Variants in CHRNA7 observed in about 807,000 individuals in gnomAD.
The protein encoded by CHRNA7 is neuronal acetylcholine receptor subunit alpha-7.
Under a neutral mutation model 48.0 loss-of-function variants are expected in CHRNA7, and 17 were observed. The observed-to-expected ratio is 0.35, with a 90% CI of 0.24 to 0.53. The LOEUF is 0.53. Ranked by LOEUF, CHRNA7 falls within the 20% of genes least tolerant of loss-of-function variation. CHRNA7 has a pLI of 0.92. For missense variants in CHRNA7, 155 were observed against 577.7 expected (o/e 0.27, Z 7.50); for synonymous variants, 75 against 242.3 (o/e 0.31, Z 6.41).
At chr15:32,139,957 A>T (rs2051347161) in intron 4 of CHRNA7, among the ~76,000 whole-genome samples, 1 of 152,140 alleles carries the variant, frequency 6.6e-6, no homozygotes, top group South Asian at 2.1e-4. Context: ...GTTATAGGGT[A>T]CCTGTGCACA....
chr15:32,112,241 T>TA (rs1394281977), intron 4 of CHRNA7: 1 of 475,540 alleles, frequency 2.1e-6, no homozygotes, highest in African/African-American at 2.0e-5. Flanking sequence ...TGGCAGCAGT[T>TA]ATGACCAACA....
chr15:32,152,146 T>A (rs1181159011), intron 4 of CHRNA7, among the ~76,000 whole-genome samples: 1 of 152,198 alleles, frequency 6.6e-6, no homozygotes, highest in East Asian at 1.9e-4. Context: ...CTCACTGTTC[T>A]TAGAAGCAGA....
chr15:32,065,603 A>AG (rs1197338531), intron 2 of CHRNA7, among the ~76,000 whole-genome samples: 1 of 152,272 alleles, frequency 6.6e-6, no homozygotes, highest in Non-Finnish European at 1.5e-5. Flanking sequence ...AACACATGTA[A>AG]GGCTGTGCAC....
chr15:32,056,721 C>A (rs2141197904), intron 2 of CHRNA7, among the ~76,000 whole-genome samples: 1 of 152,296 alleles, frequency 6.6e-6, no homozygotes, highest in Middle Eastern at 3.4e-3. Context: ...TGTTTCAGGT[C>A]ATCACTAATA....
At chr15:32,045,653 C>T (rs984638444) in intron 2 of CHRNA7, among the ~76,000 whole-genome samples, 15 of 151,856 alleles carry the variant, frequency 9.9e-5, no homozygotes, top group South Asian at 2.1e-4. Context: ...TCTCCTGCTT[C>T]AGCCTTCCAA....
chr15:32,074,250 T>C (rs975238049), intron 2 of CHRNA7, among the ~76,000 whole-genome samples: 3 of 150,694 alleles, frequency 2.0e-5, no homozygotes, highest in African/African-American at 4.9e-5. Context: ...CAGACAATTA[T>C]GTCTTCTGCA....
chr15:32,044,915 C>T (rs899297196), intron 2 of CHRNA7, among the ~76,000 whole-genome samples: 11 of 152,196 alleles, frequency 7.2e-5, no homozygotes, highest in African/African-American at 1.9e-4. Context: ...CTATTCTTTG[C>T]GGCAATTCCC....
At chr15:32,047,687 G>A (rs1050195198) in intron 2 of CHRNA7, among the ~76,000 whole-genome samples, 37 of 152,002 alleles carry the variant, frequency 2.4e-4, no homozygotes, top group African/African-American at 6.0e-4. Flanking sequence ...TGATTGCTCC[G>A]GCCAGAACTT....
At chr15:32,078,590 T>C (rs1014141769) in intron 2 of CHRNA7, among the ~76,000 whole-genome samples, 13 of 147,998 alleles carry the variant, frequency 8.8e-5, no homozygotes, top group Non-Finnish European at 1.2e-4. Flanking sequence ...AGACTGAACC[T>C]GGATACAGTC....
intron 2 of CHRNA7, among the ~76,000 whole-genome samples, chr15:32,058,958 G>A (rs1013619672): frequency 6.6e-6 from 1 of 152,082 alleles, no homozygotes; most frequent in African/African-American, 2.4e-5. Flanking sequence ...GACTGTACCT[G>A]TCTAGGCAGA....
intron 2 of CHRNA7, among the ~76,000 whole-genome samples, chr15:32,047,319 C>T (rs1309929261): frequency 2.0e-5 from 3 of 149,852 alleles, no homozygotes; most frequent in Non-Finnish European, 4.4e-5. Flanking sequence ...AATGTTCTTC[C>T]ATTTGTTTGT....
chr15:32,099,585 A>G (rs991299572), intron 2 of CHRNA7: 4 of 152,254 alleles, frequency 2.6e-5, no homozygotes, highest in African/African-American at 9.6e-5. Context: ...TTCTCTCAGC[A>G]GATGAAGACA....
At chr15:32,119,799 A>AGAGGAAGG (rs1321005824) in intron 4 of CHRNA7, among the ~76,000 whole-genome samples, 1 of 152,112 alleles carries the variant, frequency 6.6e-6, no homozygotes, top group Non-Finnish European at 1.5e-5. Context: ...CATCTCAGCA[A>AGAGGAAGG]GAGGAAGGGA....
rs112847480 is a variant in CHRNA7, at chr15:32,061,432, G to A, written c.195+30395G>A. Among the ~76,000 whole-genome samples the A allele has an allele frequency of 4.4e-3, 672 of 152,214 alleles. 3 individuals are homozygous for A. The highest frequency in any genetic ancestry group is 0.015 in the African/African-American group (631 of 41,516). On this transcript the variant is annotated intron_variant, in intron 2 of 9. Coordinates refer to ENST00000306901, the MANE Select transcript of CHRNA7 (RefSeq NM_000746.6). The stretch of plus-strand genomic sequence containing the variant: ...TAACCTTTTGCACTCCCACAATACC[G>A]AAATACTTTACTTATTTATATGTGG...
At chr15:32,120,826 G>A (rs987848217) in intron 4 of CHRNA7, among the ~76,000 whole-genome samples, 5 of 152,114 alleles carry the variant, frequency 3.3e-5, no homozygotes, top group Admixed American at 6.5e-5. Context: ...TCTTTGTGAT[G>A]TGGAACACAG....
chr15:32,044,288 T>TTCCTTCC (rs1566798035), intron 2 of CHRNA7, among the ~76,000 whole-genome samples: 3 of 19,514 alleles, frequency 1.5e-4, no homozygotes, highest in Non-Finnish European at 4.4e-4. Flanking sequence ...TCCTTCCTTC[T>TTCCTTCC]TTTTTTGGGG....
At chr15:32,082,339 AT>A (rs58571847) in intron 2 of CHRNA7, among the ~76,000 whole-genome samples, 11 of 150,618 alleles carry the variant, frequency 7.3e-5, no homozygotes, top group Admixed American at 6.7e-4. Flanking sequence ...TGATTATTAG[AT>A]TTTTTTTGTA....
intron 2 of CHRNA7, among the ~76,000 whole-genome samples, chr15:32,077,603 CA>C (rs1352045959): frequency 6.6e-6 from 1 of 152,074 alleles, no homozygotes; most frequent in African/African-American, 2.4e-5. Flanking sequence ...GGTGAAGTAT[CA>C]GTTAAGATCT....
intron 4 of CHRNA7, among the ~76,000 whole-genome samples, chr15:32,147,019 A>G (rs557543800): frequency 2.0e-5 from 3 of 152,356 alleles, no homozygotes; most frequent in South Asian, 2.1e-4. Context: ...AACACAAGGA[A>G]CAAAAATAGG....
Sources: gnomAD v4.1 joint callset for allele counts (sites outside exome capture counted in the v4.1 genomes callset) on GRCh38, gnomAD v4.1.1 for gene constraint, MANE v1.5 for transcripts, NCBI Gene and HGNC (gene_info 2026-07-23, HGNC 2026-07-21) for gene names.